The following PLXND1 variants were observed in gnomAD, a reference collection of about 807,000 sequenced individuals.
PLXND1 encodes the protein plexin D1.
A neutral mutation model predicts 197.7 loss-of-function variants in PLXND1; 54 were observed. The ratio of observed to expected loss-of-function variants is 0.27; its 90% CI spans 0.22 to 0.34. The LOEUF (loss-of-function observed/expected upper bound fraction) is 0.34, where lower values mean the gene tolerates loss of function less well. Ranked by LOEUF, PLXND1 falls within the 10% of genes least tolerant of loss-of-function variation. The pLI is 1.00. For missense variants in PLXND1, 2,127 were observed against 2,699.2 expected (o/e 0.79, Z 4.70); for synonymous variants, 1,180 against 1,161.2 (o/e 1.02, Z -0.33).
chr3:129,561,033 C>A, intron 29 of PLXND1: 1 of 530,438 alleles, frequency 1.9e-6, no homozygotes, highest in Non-Finnish European at 3.6e-6. Context: ...AAGACACACA[C>A]ACAGTGACCC....
At chr3:129,572,809 C>CG in intron 14 of PLXND1, 33 bp downstream of exon 14, 1 of 1,612,268 alleles carries the variant, frequency 6.2e-7, no homozygotes, top group African/African-American at 1.3e-5. Context: ...GCGTGCTGGG[C>CG]GGGCCGGACA....
intron 29 of PLXND1, among the ~76,000 whole-genome samples, chr3:129,561,277 C>G (rs1000752271): frequency 2.0e-5 from 3 of 152,242 alleles, no homozygotes; most frequent in East Asian, 1.9e-4. Flanking sequence ...GGCCTGGCAG[C>G]CAGGAGGCTG....
At chr3:129,580,216 G>A (rs1347190073) in intron 8 of PLXND1, among the ~76,000 whole-genome samples, 1 of 148,560 alleles carries the variant, frequency 6.7e-6, no homozygotes, top group Non-Finnish European at 1.5e-5. Context: ...TAGGGACAGG[G>A]TCTGGTGCAG....
At position 129,555,508 on chromosome 3, in the gene PLXND1, CAGTT is replaced by C; in HGVS notation, c.*800_*803del. ...CCTCTGCGCAAGCGGCAGCTATTCA[CAGTT>C]GGTGCATGATACGTTTTTTAATATA... On this transcript the variant is annotated 3_prime_UTR_variant, in exon 36 of 36. Transcript: ENST00000324093. 1.5e-6 allele frequency: 1 copy of C among 677,084 alleles called. No homozygotes were observed. The highest frequency in any genetic ancestry group is 1.8e-5 in the African/African-American group (1 of 55,110). The allele number at this position is 677,084 out of a possible 1,614,324, so 41.9% of individuals were successfully genotyped here. A position where few individuals can be genotyped will look rare whatever the true frequency, so the allele number is the denominator to read the frequency against.
chr3:129,570,734 TGGGCCAGGGGTG>T, intron 19 of PLXND1, 40 bp downstream of exon 19: 2 of 1,581,578 alleles, frequency 1.3e-6, no homozygotes, highest in African/African-American at 2.7e-5. Context: ...GCTTGGCAGA[TGGGCCAGGGGTG>T]GGGCCAGGTC....
intron 29 of PLXND1, chr3:129,561,060 G>GA (rs1560058963): frequency 2.0e-6 from 1 of 497,826 alleles, no homozygotes; most frequent in Middle Eastern, 3.0e-4. Context: ...GAGGGACTTG[G>GA]AAGGAGGGAC....
At chr3:129,595,371 C>T (rs190087941) in intron 1 of PLXND1, among the ~76,000 whole-genome samples, 202 of 152,346 alleles carry the variant, frequency 1.3e-3, no homozygotes, top group Admixed American at 2.2e-3. Flanking sequence ...TGGCCTCTGG[C>T]AGCAGCCCCC....
rs1439731565 is a variant in PLXND1 at position 129,584,587 on chromosome 3, T to C, written c.1852-25A>G. ...CCTGGGGGCAAGGAGCCCTCAGCTC[T>C]GGGGGTCCAGGCTATGCTCCTCACA... On this transcript the variant is annotated intron_variant, in intron 5 of 35. Coordinates refer to ENST00000324093, the MANE Select transcript of PLXND1 (RefSeq NM_015103.3). 14 of 1,582,862 alleles carry C rather than the reference T, an allele frequency of 8.8e-6. No homozygotes were observed. The Admixed American group carries it at 1.9e-4, about 21-fold the overall frequency.
At chr3:129,585,883 G>A (rs1324502991) in intron 5 of PLXND1, 69 bp downstream of exon 5, 1 of 1,599,366 alleles carries the variant, frequency 6.3e-7, no homozygotes, top group Non-Finnish European at 8.6e-7. Context: ...CACCTCTCGG[G>A]GCCTGGGTGC....
At chr3:129,592,102 TC>T (rs1241168250) in intron 1 of PLXND1, among the ~76,000 whole-genome samples, 1 of 151,608 alleles carries the variant, frequency 6.6e-6, no homozygotes, top group East Asian at 1.9e-4. Context: ...AGGAAGCCAT[TC>T]CCCCCCACCC....
Position 129,557,067 on chromosome 3 carries a change from C to G in PLXND1, c.5586+16G>C. ...AGCTCTTCAGGCCCCCATCCCCCGC[C>G]GCCGAGCCACCGCACCCTCGACTCC... On this transcript the variant is annotated intron_variant, in intron 34 of 35. Transcript: ENST00000324093. This position sits in a 1 kb window ranked among gnomAD's most constrained non-coding sequence, Gnocchi z 4.8. The G allele has an allele frequency of 6.2e-7, 1 of 1,612,962 alleles. No homozygotes were observed.
In PLXND1 at chr3:129,557,357, C is replaced by A. The variant is rs920344016; in HGVS notation, c.5446-134G>T. 5.2e-6 allele frequency: 5 copies of A among 963,404 alleles called. No homozygotes were observed. In the African/African-American group the frequency reaches 8.2e-5, roughly 16 times the overall value. The allele number at this position is 963,404 out of a possible 1,614,324, so 59.7% of individuals were successfully genotyped here. On this transcript the variant is annotated intron_variant, in intron 33 of 35. Coordinates refer to ENST00000324093, the MANE Select transcript of PLXND1 (RefSeq NM_015103.3). This position sits in a 1 kb window ranked among gnomAD's most constrained non-coding sequence, Gnocchi z 4.8. ...CCCCCGAGGCCCAAAGAGTCTCACC[C>A]GGTCACTGAACGTCCCCGCACTCAG...
chr3:129,575,953 A>C (rs2085308373), intron 9 of PLXND1, 98 bp from the exon 10 acceptor site: 2 of 749,230 alleles, frequency 2.7e-6, no homozygotes, highest in Admixed American at 4.0e-5. Context: ...CCTGCTGGGA[A>C]AGGTGGGCTT....
At chr3:129,595,173 C>T (rs895826869) in intron 1 of PLXND1, among the ~76,000 whole-genome samples, 1 of 152,258 alleles carries the variant, frequency 6.6e-6, no homozygotes, top group African/African-American at 2.4e-5. Flanking sequence ...CAGCCGCACA[C>T]AGCCAGGCCA....
At position 129,559,337 on chromosome 3, in the gene PLXND1, C is replaced by CGTAT; in HGVS notation, c.5297+282_5297+283insATAC. ...ATCTGTGAAGTGGAGCTGATGGTGC[C>CGTAT]CACCTGAGAGGGGTGCGGGAGAATG... On this transcript the variant is annotated intron_variant, in intron 32 of 35. Coordinates refer to ENST00000324093, the MANE Select transcript of PLXND1 (RefSeq NM_015103.3). The CGTAT allele has an allele frequency of 2.1e-5, 7 of 334,406 alleles. No individual in the cohort carries two copies. The South Asian group carries it at 2.5e-4, about 12-fold the overall frequency. 20.7% of individuals were successfully genotyped at this position (334,406 alleles called of 1,614,324 possible).
intron 7 of PLXND1, 102 bp from the exon 8 acceptor site, chr3:129,583,771 G>C: frequency 1.3e-6 from 1 of 758,082 alleles, no homozygotes; most frequent in East Asian, 2.7e-5. Flanking sequence ...ACAGGGAAAG[G>C]TCTTTCTCAT....
intron 1 of PLXND1, among the ~76,000 whole-genome samples, chr3:129,603,213 G>A (rs1010641028): frequency 1.3e-5 from 2 of 152,228 alleles, no homozygotes; most frequent in East Asian, 3.8e-4. Flanking sequence ...GGAATCTGTG[G>A]CCTTGGGGTG....
chr3:129,578,279 TC>T (rs966674757), intron 9 of PLXND1, 49 bp downstream of exon 9: 15 of 1,177,034 alleles, frequency 1.3e-5, no homozygotes, highest in Non-Finnish European at 1.9e-5. Context: ...GCCTGCGTGC[TC>T]CCCGGCCTCC....
At position 129,589,392 on chromosome 3, in the gene PLXND1, T is replaced by C. The variant is rs1184028552; in HGVS notation, c.1447A>G (p.Thr483Ala). 9.4e-6 allele frequency: 14 copies of C among 1,490,140 alleles called. No homozygotes were observed. Among genetic ancestry groups the C allele is most frequent in the Non-Finnish European group, 1.2e-5 (13 of 1,102,948 alleles). The allele number at this position is 1,490,140 out of a possible 1,614,324, so 92.3% of individuals were successfully genotyped here. Reference sequence around the variant, plus strand: ...TTGACCGTGCCCAGGAAGACCGCTGTGTAGTTGTTGACGCTGGCCACGGCC... The same window carrying C: ...TTGACCGTGCCCAGGAAGACCGCTGCGTAGTTGTTGACGCTGGCCACGGCC... ...SVAVASVNNY[T>A]AVFLGTVNGR... Residue 483 changes from threonine (T) to alanine (A), a missense_variant, in exon 2 of 36, where the codon ACA becomes GCA. Coordinates refer to ENST00000324093, the MANE Select transcript of PLXND1 (RefSeq NM_015103.3).
Sources: allele counts gnomAD v4.1 joint callset (sites outside exome capture counted in the v4.1 genomes callset), GRCh38; gene constraint gnomAD v4.1.1; non-coding constraint Gnocchi (gnomAD v3.1); transcripts MANE v1.5; gene names NCBI Gene and HGNC (gene_info 2026-07-23, HGNC 2026-07-21).